Variants in BRAF observed in about 807,000 individuals in gnomAD.
BRAF encodes B-Raf proto-oncogene, serine/threonine kinase, also known as serine/threonine-protein kinase B-raf.
A neutral mutation model predicts 104.6 loss-of-function variants in BRAF; 16 were observed. That is an observed-to-expected ratio of 0.15 (90% confidence interval 0.10 to 0.23). The LOEUF is 0.23. Ranked by LOEUF, BRAF falls within the 10% of genes least tolerant of loss-of-function variation. The probability of loss-of-function intolerance (pLI) is 1.00; values close to 1 mark genes in which losing one functional copy is unlikely to be tolerated. For synonymous variants in BRAF, 310 were observed against 341.6 expected, an observed-to-expected ratio of 0.91 and a Z score of 1.02; for missense variants, 541 against 937.3, an observed-to-expected ratio of 0.58 and a Z score of 5.52.
At chr7:140,727,185 CTTTTTT>C (rs927393889) in intron 19 of BRAF, among the ~76,000 whole-genome samples, 6 of 128,652 alleles carry the variant, frequency 4.7e-5, no homozygotes, top group Admixed American at 3.9e-4. Flanking sequence ...TTATTTTTTT[CTTTTTT>C]TTTTTTTTTG....
chr7:140,879,079 T>C (rs973558983), intron 1 of BRAF, among the ~76,000 whole-genome samples: 3 of 151,854 alleles, frequency 2.0e-5, no homozygotes, highest in Non-Finnish European at 1.5e-5. Flanking sequence ...GGTTTCACCA[T>C]GTTGGTCAGG....
rs10269556 is a variant in BRAF, at chr7:140,887,001, T to C, written c.139-36789A>G. Among the ~76,000 whole-genome samples, 837 of 152,238 alleles carry C rather than the reference T, an allele frequency of 5.5e-3. 5 individuals carry two copies. Among genetic ancestry groups the C allele is most frequent in the African/African-American group, 0.019 (796 of 41,510 alleles). On this transcript the variant is annotated intron_variant, in intron 1 of 19. Transcript: ENST00000644969. ...TCCCATTAAAAGCATGCTACAATTATAGACAAGAAGTAATGAGAGTCTGAA... is the reference window on the plus strand; with the variant it reads ...TCCCATTAAAAGCATGCTACAATTACAGACAAGAAGTAATGAGAGTCTGAA...
chr7:140,746,632 C>T (rs1797369572), intron 17 of BRAF, among the ~76,000 whole-genome samples: 1 of 151,816 alleles, frequency 6.6e-6, no homozygotes, highest in South Asian at 2.1e-4. Context: ...AGTTTGAGCC[C>T]AGCCTGACCA....
At chr7:140,769,107 C>T (rs756481759) in intron 14 of BRAF, among the ~76,000 whole-genome samples, 4 of 151,346 alleles carry the variant, frequency 2.6e-5, no homozygotes, top group Non-Finnish European at 4.4e-5. Context: ...GACAGAATCT[C>T]GCTCTGTCAC....
intron 1 of BRAF, among the ~76,000 whole-genome samples, chr7:140,886,045 G>C (rs983743371): frequency 2.0e-5 from 3 of 152,164 alleles, no homozygotes; most frequent in African/African-American, 7.2e-5. Flanking sequence ...TTTTATTTTA[G>C]AGACAAGGAC....
chr7:140,847,586 G>GA (rs1328995535), intron 2 of BRAF, among the ~76,000 whole-genome samples: 81 of 146,998 alleles, frequency 5.5e-4, no homozygotes, highest in Middle Eastern at 3.5e-3. Flanking sequence ...ATCTCAGGAG[G>GA]AAAAAAAAAA....
chr7:140,872,163 C>T (rs1034485415), intron 1 of BRAF, among the ~76,000 whole-genome samples: 10 of 151,794 alleles, frequency 6.6e-5, no homozygotes, highest in African/African-American at 2.2e-4. Context: ...TGCAGTGAGC[C>T]GAGATCGCAC....
chr7:140,766,207 G>A (rs970324578), intron 14 of BRAF, among the ~76,000 whole-genome samples: 27 of 151,726 alleles, frequency 1.8e-4, no homozygotes, highest in Non-Finnish European at 3.2e-4. Flanking sequence ...ACCAAACACC[G>A]CATGTTCTCA....
intron 3 of BRAF, chr7:140,824,486 C>G (rs889739962): frequency 7.9e-5 from 12 of 152,204 alleles, no homozygotes; most frequent in African/African-American, 2.9e-4. Flanking sequence ...GGACTCTCAT[C>G]TGTCTGCATG....
At chr7:140,740,693 A>G (rs563438110) in intron 17 of BRAF, 1 of 152,320 alleles carries the variant, frequency 6.6e-6, no homozygotes, top group Non-Finnish European at 1.5e-5. Flanking sequence ...AGTAGAGGCT[A>G]AAGTGGAGAA....
intron 14 of BRAF, among the ~76,000 whole-genome samples, chr7:140,769,249 T>C (rs545837378): frequency 1.3e-5 from 2 of 152,226 alleles, no homozygotes; most frequent in African/African-American, 2.4e-5. Flanking sequence ...GCTGATTTTT[T>C]GTATTTTTAG....
At chr7:140,876,771 A>C (rs1812308825) in intron 1 of BRAF, among the ~76,000 whole-genome samples, 1 of 151,942 alleles carries the variant, frequency 6.6e-6, no homozygotes, top group South Asian at 2.1e-4. Flanking sequence ...AATATGGAAG[A>C]AATGAACATC....
At chr7:140,826,279 T>A (rs1806039985) in intron 3 of BRAF, among the ~76,000 whole-genome samples, 1 of 152,260 alleles carries the variant, frequency 6.6e-6, no homozygotes, top group Admixed American at 6.5e-5. Context: ...AGTATCAGTA[T>A]GTTCACTCTT....
At chr7:140,895,063 A>G (rs1439047544) in intron 1 of BRAF, among the ~76,000 whole-genome samples, 6 of 152,224 alleles carry the variant, frequency 3.9e-5, no homozygotes, top group Non-Finnish European at 8.8e-5. Context: ...ACACAGTCGT[A>G]AAATCCCTAA....
chr7:140,768,485 G>A (rs1019833159), intron 14 of BRAF, among the ~76,000 whole-genome samples: 2 of 152,056 alleles, frequency 1.3e-5, no homozygotes, highest in African/African-American at 4.8e-5. Context: ...CATGAAAGCA[G>A]GAGTCACTGA....
chr7:140,787,913 T>C (rs1801560138), intron 8 of BRAF, among the ~76,000 whole-genome samples: 1 of 152,160 alleles, frequency 6.6e-6, no homozygotes, highest in African/African-American at 2.4e-5. Flanking sequence ...GTTTTCTCAC[T>C]TATAAGTGGG....
chr7:140,785,241 T>C (rs1474342746), intron 10 of BRAF, among the ~76,000 whole-genome samples: 1 of 151,944 alleles, frequency 6.6e-6, no homozygotes, highest in Non-Finnish European at 1.5e-5. Context: ...CCTAATAAAA[T>C]CTCATAATAG....
intron 1 of BRAF, among the ~76,000 whole-genome samples, chr7:140,859,764 T>C (rs1263716880): frequency 6.6e-6 from 1 of 150,470 alleles, no homozygotes; most frequent in African/African-American, 2.5e-5. Flanking sequence ...CTCGGCTCAC[T>C]GCAACCTCCG....
chr7:140,841,510 T>A (rs10225852), intron 2 of BRAF, among the ~76,000 whole-genome samples: 4,218 of 152,216 alleles, frequency 0.028, 203 homozygotes, highest in African/African-American at 0.095. Context: ...AGTTGATGAA[T>A]GGATAAACAA....
Sources: allele counts gnomAD v4.1 joint callset (sites outside exome capture counted in the v4.1 genomes callset), GRCh38; gene constraint gnomAD v4.1.1; transcripts MANE v1.5; gene names NCBI Gene and HGNC (gene_info 2026-07-23, HGNC 2026-07-21).